The following DLGAP2 variants were observed in gnomAD, a reference collection of about 807,000 sequenced individuals.
DLGAP2 encodes DLG associated protein 2, also known as disks large-associated protein 2.
In DLGAP2, 26 loss-of-function variants were observed where a neutral mutation model predicts 100.3. The ratio of observed to expected loss-of-function variants is 0.26; its 90% CI spans 0.19 to 0.36. The LOEUF (loss-of-function observed/expected upper bound fraction) is 0.36. Ranked by LOEUF, DLGAP2 falls within the 10% of genes least tolerant of loss-of-function variation. The probability of loss-of-function intolerance (pLI) is 1.00; values close to 1 mark genes in which losing one functional copy is unlikely to be tolerated. For missense variants in DLGAP2, 1,858 were observed against 1,453.2 expected, an observed-to-expected ratio of 1.28 and a Z score of -4.53; for synonymous variants, 886 against 630.1, an observed-to-expected ratio of 1.41 and a Z score of -6.08.
intron 2 of DLGAP2, among the ~76,000 whole-genome samples, chr8:1,098,748 C>T (rs1287454398): frequency 4.5e-4 from 58 of 127,730 alleles, no homozygotes; most frequent in African/African-American, 1.6e-3. Context: ...GCCAGGCTCC[C>T]GGCCGCCCAC....
chr8:1,442,368 G>GA (rs1797859424), intron 3 of DLGAP2, among the ~76,000 whole-genome samples: 3 of 150,842 alleles, frequency 2.0e-5, no homozygotes, highest in African/African-American at 7.4e-5. Flanking sequence ...CCAAGCTGCT[G>GA]TGGGTTCAGC....
rs578055430 is a variant in DLGAP2, at chr8:770,337, C to T, written c.18+32512C>T. 3.9e-5 allele frequency among the ~76,000 whole-genome samples: 6 copies of T among 152,246 alleles called. No homozygotes were observed. In the South Asian group the frequency reaches 6.2e-4, roughly 16 times the overall value. On this transcript the variant is annotated intron_variant, in intron 1 of 14. Transcript: ENST00000637795. Reference sequence around the variant, plus strand: ...CCTCCTCCGTGTCCTCCGCCTCCCACCCTGGGGAGCACAGTGCCCTTCTGG... The same window carrying T: ...CCTCCTCCGTGTCCTCCGCCTCCCATCCTGGGGAGCACAGTGCCCTTCTGG...
At chr8:1,240,619 C>T (rs1229605977) in intron 2 of DLGAP2, among the ~76,000 whole-genome samples, 5 of 150,800 alleles carry the variant, frequency 3.3e-5, no homozygotes, top group South Asian at 2.1e-4. Context: ...AGTTCTCTCT[C>T]GCACATAGCG....
chr8:1,491,420 C>T (rs1584951260), intron 3 of DLGAP2, among the ~76,000 whole-genome samples: 1 of 152,136 alleles, frequency 6.6e-6, no homozygotes, highest in East Asian at 1.9e-4. Context: ...GCTGCTCCCC[C>T]TGATCTCAGA....
At chr8:759,109 C>T (rs1275111778) in intron 1 of DLGAP2, among the ~76,000 whole-genome samples, 1 of 100,134 alleles carries the variant, frequency 1.0e-5, no homozygotes, top group Non-Finnish European at 2.4e-5. Context: ...ATACCCCCGA[C>T]AGCCTTCCCA....
intron 8 of DLGAP2, among the ~76,000 whole-genome samples, chr8:1,634,648 C>G (rs540477146): frequency 1.3e-5 from 2 of 152,316 alleles, no homozygotes; most frequent in Non-Finnish European, 1.5e-5. Context: ...GATCATTACT[C>G]ATACTTTCAG....
rs35670874 is a variant in DLGAP2, at chr8:749,938, C to T, written c.18+12113C>T. Among the ~76,000 whole-genome samples the T allele has an allele frequency of 9.3e-3, 1,409 of 152,282 alleles. 13 individuals are homozygous for T. Among genetic ancestry groups the T allele is most frequent in the Non-Finnish European group, 0.012 (792 of 68,018 alleles). On this transcript the variant is annotated intron_variant, in intron 1 of 14. Transcript: ENST00000637795. ...ATCACTCCAGCCTGCTTCTCTGTCTCCACGTGGCCTCCTCCTCTTCTCCTG... is the reference window on the plus strand; with the variant it reads ...ATCACTCCAGCCTGCTTCTCTGTCTTCACGTGGCCTCCTCCTCTTCTCCTG...
intron 2 of DLGAP2, among the ~76,000 whole-genome samples, chr8:1,161,960 G>C (rs1386102436): frequency 6.6e-6 from 1 of 152,264 alleles, no homozygotes; most frequent in Non-Finnish European, 1.5e-5. Context: ...GGGTGCGTCA[G>C]AGTCACCTGA....
chr8:1,209,026 C>T (rs987556042), intron 2 of DLGAP2, among the ~76,000 whole-genome samples: 2 of 152,052 alleles, frequency 1.3e-5, no homozygotes, highest in Non-Finnish European at 2.9e-5. Context: ...GGTAACACAT[C>T]TCATGCTCAT....
chr8:1,271,483 T>C (rs1799582268), intron 3 of DLGAP2, among the ~76,000 whole-genome samples: 1 of 152,198 alleles, frequency 6.6e-6, no homozygotes, highest in Admixed American at 6.5e-5. Flanking sequence ...CCAAGCCCAT[T>C]TATCAGGCAT....
chr8:1,626,653 T>C (rs1301862002), intron 6 of DLGAP2, 87 bp from the exon 7 acceptor site: 1 of 1,512,930 alleles, frequency 6.6e-7, no homozygotes. Flanking sequence ...GTGCTCAGCC[T>C]CTGGGTGTGG....
At chr8:845,731 T>A (rs1301870665) in intron 1 of DLGAP2, among the ~76,000 whole-genome samples, 1 of 152,232 alleles carries the variant, frequency 6.6e-6, no homozygotes, top group Non-Finnish European at 1.5e-5. Flanking sequence ...AAGATACCAT[T>A]GCCTAATCAA....
chr8:1,389,056 G>C (rs980525926), intron 3 of DLGAP2, among the ~76,000 whole-genome samples: 2 of 149,576 alleles, frequency 1.3e-5, no homozygotes, highest in South Asian at 2.2e-4. Flanking sequence ...AGGGCTGTGA[G>C]AGCAGAGGCC....
At chr8:1,652,532 G>C (rs1376103113) in intron 8 of DLGAP2, among the ~76,000 whole-genome samples, 6 of 152,182 alleles carry the variant, frequency 3.9e-5, no homozygotes, top group African/African-American at 1.4e-4. Context: ...CCCTGGTCTT[G>C]TGCGTGATAT....
chr8:1,278,107 T>A (rs571281113), intron 3 of DLGAP2, among the ~76,000 whole-genome samples: 1 of 152,314 alleles, frequency 6.6e-6, no homozygotes, highest in Admixed American at 6.5e-5. Flanking sequence ...AGATGATACC[T>A]CACGCCAGGT....
chr8:1,048,355 T>G (rs1425746167), intron 2 of DLGAP2, among the ~76,000 whole-genome samples: 9 of 152,064 alleles, frequency 5.9e-5, no homozygotes, highest in African/African-American at 2.2e-4. Flanking sequence ...TCCATCTGAC[T>G]TCAAAGCCGT....
At chr8:1,575,286 A>G (rs1563231134) in intron 6 of DLGAP2, among the ~76,000 whole-genome samples, 1 of 152,084 alleles carries the variant, frequency 6.6e-6, no homozygotes. Flanking sequence ...ACATGAAATA[A>G]GCCAAAATAC....
At chr8:1,626,100 G>A (rs1301312929) in intron 6 of DLGAP2, among the ~76,000 whole-genome samples, 2 of 145,432 alleles carry the variant, frequency 1.4e-5, no homozygotes, top group East Asian at 4.1e-4. Flanking sequence ...GCCTCTGGGT[G>A]TGGGTTGGAC....
chr8:924,618 C>T (rs1025366989), intron 2 of DLGAP2, among the ~76,000 whole-genome samples: 4 of 150,798 alleles, frequency 2.7e-5, no homozygotes, highest in South Asian at 2.1e-4. Context: ...GAGTTTTGCT[C>T]GTTGCCCAGG....
Sources: allele counts gnomAD v4.1 joint callset (sites outside exome capture counted in the v4.1 genomes callset), GRCh38; gene constraint gnomAD v4.1.1; transcripts MANE v1.5; gene names NCBI Gene and HGNC (gene_info 2026-07-23, HGNC 2026-07-21).